Variants in HECW2 observed in about 807,000 individuals in gnomAD.
The protein encoded by HECW2 is E3 ubiquitin-protein ligase HECW2.
In HECW2, 61 loss-of-function variants were observed where a neutral mutation model predicts 175.2. The observed-to-expected ratio is 0.35, with a 90% CI of 0.28 to 0.43. The LOEUF (loss-of-function observed/expected upper bound fraction) is 0.43. Ranked by LOEUF, HECW2 falls within the 20% of genes least tolerant of loss-of-function variation. The pLI, the probability that HECW2 is intolerant of heterozygous loss-of-function variation, is 1.00. For missense variants in HECW2, 1,524 were observed against 2,000.5 expected (o/e 0.76, Z 4.54); for synonymous variants, 671 against 731.0 (o/e 0.92, Z 1.32).
intron 1 of HECW2, among the ~76,000 whole-genome samples, chr2:196,476,813 A>C (rs557207397): frequency 9.9e-5 from 15 of 152,090 alleles, no homozygotes; most frequent in African/African-American, 3.4e-4. Context: ...TGAACTGTAA[A>C]AGATTGAGGT....
intron 10 of HECW2, among the ~76,000 whole-genome samples, chr2:196,308,408 A>C (rs1202836381): frequency 6.6e-6 from 1 of 152,206 alleles, no homozygotes; most frequent in Admixed American, 6.5e-5. Context: ...GTTTCATAAC[A>C]CTTCAGATAT....
chr2:196,242,242 T>C, intron 19 of HECW2, 38 bp from the exon 20 acceptor site: 1 of 1,613,190 alleles, frequency 6.2e-7, no homozygotes, highest in Non-Finnish European at 8.5e-7. Flanking sequence ...TCTGGATTTG[T>C]GCCTCGTCCT....
At chr2:196,365,158 C>A (rs1693710396) in intron 2 of HECW2, among the ~76,000 whole-genome samples, 1 of 152,204 alleles carries the variant, frequency 6.6e-6, no homozygotes, top group South Asian at 2.1e-4. Context: ...TTAAAGACAT[C>A]ACTTAACTAA....
At chr2:196,520,297 T>C (rs1355979997) in intron 1 of HECW2, among the ~76,000 whole-genome samples, 1 of 151,456 alleles carries the variant, frequency 6.6e-6, no homozygotes, top group African/African-American at 2.4e-5. Context: ...GTGAGCATGG[T>C]AGACTGTGCC....
At chr2:196,304,322 G>A (rs536972012) in intron 13 of HECW2, among the ~76,000 whole-genome samples, 3 of 151,990 alleles carry the variant, frequency 2.0e-5, no homozygotes, top group Non-Finnish European at 4.4e-5. Context: ...CTGTCCACCT[G>A]ATCTAAAATA....
chr2:196,255,280 C>T (rs577218834), intron 18 of HECW2, among the ~76,000 whole-genome samples: 1 of 151,714 alleles, frequency 6.6e-6, no homozygotes. Flanking sequence ...GCGTGAGCCA[C>T]TGCGCCTGGC....
At chr2:196,415,191 T>C (rs1388987242) in intron 2 of HECW2, among the ~76,000 whole-genome samples, 2 of 152,164 alleles carry the variant, frequency 1.3e-5, no homozygotes, top group Admixed American at 6.5e-5. Flanking sequence ...CTGTTATCTT[T>C]GTCAAAAACA....
chr2:196,198,126 T>C lies in HECW2; in HGVS notation c.*3151A>G, dbSNP rs1014895072. On this transcript the variant is annotated 3_prime_UTR_variant, in exon 29 of 29. Coordinates refer to ENST00000644978, the MANE Select transcript of HECW2 (RefSeq NM_001348768.2). ...TTTCACACTGAAAACCAATGGTGCA[T>C]TGTAGAATAGATGAAGGGAAACAGG... 1.3e-5 allele frequency: 2 copies of C among 152,154 alleles called. No individual in the cohort carries two copies. The highest frequency in any genetic ancestry group is 1.3e-4 in the Admixed American group (2 of 15,270). 9.4% of individuals were successfully genotyped at this position (152,154 alleles called of 1,614,324 possible).
chr2:196,583,971 T>C (rs1214639980), intron 1 of HECW2, among the ~76,000 whole-genome samples: 3 of 152,198 alleles, frequency 2.0e-5, no homozygotes. Flanking sequence ...GAGGGTAGCA[T>C]ATCAGCATCT....
intron 2 of HECW2, among the ~76,000 whole-genome samples, chr2:196,431,493 T>C (rs544512549): frequency 1.5e-3 from 222 of 152,348 alleles, no homozygotes; most frequent in African/African-American, 5.0e-3. Flanking sequence ...AAGGATTTTT[T>C]AAACTACAAT....
chr2:196,212,345 C>T (rs1275499901), intron 28 of HECW2, among the ~76,000 whole-genome samples: 1 of 152,138 alleles, frequency 6.6e-6, no homozygotes, highest in East Asian at 1.9e-4. Flanking sequence ...TCCTTTCCCT[C>T]CTCTGACCCT....
chr2:196,319,189 C>G lies in HECW2; in HGVS notation c.1701G>C (p.Leu567=). The change falls in exon 9 of 29, where the codon CTG becomes CTC. Residue 567 remains leucine (L), a synonymous_variant. Coordinates refer to ENST00000644978, the MANE Select transcript of HECW2 (RefSeq NM_001348768.2). ...QPSADQGSAE[L]CGSQEVDQPT... is the part of the protein sequence containing the mutation. ...GCTGATCTACCTCTTGAGAGCCACA[C>G]AGTTCAGCACTGCCCTGGTCAGCAC... 1 of 1,594,538 alleles carries G rather than the reference C, an allele frequency of 6.3e-7. No individual in the cohort carries two copies. Among genetic ancestry groups the G allele is most frequent in the Non-Finnish European group, 8.6e-7 (1 of 1,169,490 alleles).
At chr2:196,536,485 C>A (rs1477149600) in intron 1 of HECW2, among the ~76,000 whole-genome samples, 6 of 152,184 alleles carry the variant, frequency 3.9e-5, no homozygotes. Flanking sequence ...CTCAGCCTCA[C>A]AAAACTCCTG....
chr2:196,348,691 A>T (rs1425772465), intron 2 of HECW2, among the ~76,000 whole-genome samples: 1 of 152,206 alleles, frequency 6.6e-6, no homozygotes, highest in Non-Finnish European at 1.5e-5. Context: ...ATATCAAAGA[A>T]ACAATTCTAA....
intron 17 of HECW2, chr2:196,269,627 G>C (rs1689654506): frequency 6.6e-6 from 1 of 150,814 alleles, no homozygotes; most frequent in African/African-American, 2.4e-5. Context: ...TGCTATTCTA[G>C]ATATTTGAAC....
chr2:196,498,769 A>T (rs997916451), intron 1 of HECW2, among the ~76,000 whole-genome samples: 66 of 152,248 alleles, frequency 4.3e-4, no homozygotes, highest in African/African-American at 1.5e-3. Context: ...CCTTTTTTGT[A>T]ACTGCTTACT....
intron 2 of HECW2, among the ~76,000 whole-genome samples, chr2:196,365,515 A>T (rs1693719670): frequency 6.6e-6 from 1 of 152,162 alleles, no homozygotes; most frequent in African/African-American, 2.4e-5. Context: ...CTGTGTTCCT[A>T]AAGCAGCCAG....
chr2:196,386,383 T>C (rs867582826), intron 2 of HECW2, among the ~76,000 whole-genome samples: 7 of 152,152 alleles, frequency 4.6e-5, no homozygotes, highest in South Asian at 4.1e-4. Context: ...GTCTTGGATT[T>C]GGCCTTACAT....
At chr2:196,298,155 T>C (rs1690889248) in intron 13 of HECW2, among the ~76,000 whole-genome samples, 1 of 152,198 alleles carries the variant, frequency 6.6e-6, no homozygotes, top group Admixed American at 6.5e-5. Flanking sequence ...GGAAAATTAT[T>C]CAGTTGAATA....
Sources: gnomAD v4.1 joint callset for allele counts (sites outside exome capture counted in the v4.1 genomes callset) on GRCh38, gnomAD v4.1.1 for gene constraint, MANE v1.5 for transcripts, NCBI Gene and HGNC (gene_info 2026-07-23, HGNC 2026-07-21) for gene names.